RANBP17: variants seen among roughly 807,000 people sequenced by gnomAD.
RANBP17 encodes ran-binding protein 17.
RANBP17 carries 158 observed loss-of-function variants against 141.2 expected under a neutral mutation model. The observed-to-expected ratio is 1.12, with a 90% CI of 0.98 to 1.28. The LOEUF is 1.28. Among genes scored for constraint, RANBP17 ranks in the 50% most tolerant of loss-of-function variants. The pLI, the probability that RANBP17 is intolerant of heterozygous loss-of-function variation, is 0.00. For synonymous variants in RANBP17, 430 were observed against 450.0 expected (o/e 0.96, Z 0.56); for missense variants, 1,438 against 1,290.7 (o/e 1.11, Z -1.75).
At chr5:171,206,309 A>G (rs1393822372) in intron 20 of RANBP17, 1 of 158,938 alleles carries the variant, frequency 6.3e-6, no homozygotes, top group East Asian at 1.9e-4. Flanking sequence ...CTCATTTGAA[A>G]ACAGATACAA....
At chr5:171,258,118 TACACACACACACACAC>T (rs34304503) in intron 24 of RANBP17, among the ~76,000 whole-genome samples, 73 of 128,296 alleles carry the variant, frequency 5.7e-4, no homozygotes, top group East Asian at 2.9e-3. Flanking sequence ...AAAAAAAAAA[TACACACACACACACAC>T]ACACACACAC....
chr5:170,983,253 GTGTTT>G (rs1428307615), intron 14 of RANBP17: 29 of 282,024 alleles, frequency 1.0e-4, no homozygotes, highest in Admixed American at 2.6e-4. Context: ...AAGGTCATAG[GTGTTT>G]TGTTTTGTTA....
rs555094425 is a variant in RANBP17, at chr5:171,243,330, C to G, written c.2776+510C>G. Reference sequence around the variant, plus strand: ...CATTTAGCATAGTGACTTTGAGATTCATTCATGTTATTTTGAAAATCAATT... The same window carrying G: ...CATTTAGCATAGTGACTTTGAGATTGATTCATGTTATTTTGAAAATCAATT... On this transcript the variant is annotated intron_variant, in intron 24 of 27. Transcript: ENST00000523189. Among the ~76,000 whole-genome samples the G allele has an allele frequency of 2.0e-5, 3 of 152,250 alleles. No individual in the cohort carries two copies. The East Asian group carries it at 5.8e-4, about 29-fold the overall frequency.
At chr5:171,203,803 A>T (rs1762431773) in intron 19 of RANBP17, among the ~76,000 whole-genome samples, 1 of 152,206 alleles carries the variant, frequency 6.6e-6, no homozygotes, top group African/African-American at 2.4e-5. Context: ...TAAATGGTAG[A>T]TATCTCATGT....
intron 5 of RANBP17, among the ~76,000 whole-genome samples, chr5:170,898,179 A>G (rs2127396377): frequency 6.6e-6 from 1 of 152,300 alleles, no homozygotes; most frequent in African/African-American, 2.4e-5. Flanking sequence ...TAGGATAGTT[A>G]GCTCTTCTTG....
At chr5:170,982,303 C>T (rs971160520) in intron 14 of RANBP17, among the ~76,000 whole-genome samples, 2 of 152,140 alleles carry the variant, frequency 1.3e-5, no homozygotes, top group Non-Finnish European at 2.9e-5. Flanking sequence ...ATGAGAAGCC[C>T]TGTTGTGAAC....
Position 171,053,168 on chromosome 5 carries a change from T to G in RANBP17, c.1710+84791T>G, listed in dbSNP as rs554689029. ...TTCTTTAATTTCTTTCAACAATGCC[T>G]TAGAATTTTTTTTTTTTAATTAGGC... is the stretch of plus-strand genomic sequence containing the variant. On this transcript the variant is annotated intron_variant, in intron 14 of 27. Transcript: ENST00000523189. Among the ~76,000 whole-genome samples, 3 of 151,322 alleles carry G rather than the reference T, an allele frequency of 2.0e-5. No homozygotes were observed. The East Asian group carries it at 5.9e-4, about 30-fold the overall frequency.
chr5:171,245,693 G>A (rs1219368610), intron 24 of RANBP17, among the ~76,000 whole-genome samples: 1 of 152,002 alleles, frequency 6.6e-6, no homozygotes, highest in East Asian at 1.9e-4. Flanking sequence ...ATTTGAGATC[G>A]GATGGCAACT....
At chr5:170,946,053 A>T (rs763954176) in intron 12 of RANBP17, among the ~76,000 whole-genome samples, 1 of 152,164 alleles carries the variant, frequency 6.6e-6, no homozygotes, top group African/African-American at 2.4e-5. Flanking sequence ...AGGAAGTATA[A>T]TAGTTTGAGA....
At chr5:171,297,665 T>A (rs1252670166) in intron 27 of RANBP17, among the ~76,000 whole-genome samples, 1 of 149,660 alleles carries the variant, frequency 6.7e-6, no homozygotes, top group Non-Finnish European at 1.5e-5. Context: ...TGGAAATTAC[T>A]TCACCTAAGG....
chr5:170,919,117 A>G (rs1304006559), intron 10 of RANBP17, among the ~76,000 whole-genome samples: 1 of 151,988 alleles, frequency 6.6e-6, no homozygotes, highest in Non-Finnish European at 1.5e-5. Flanking sequence ...TTTACAGATT[A>G]TATTATAGAA....
chr5:170,888,793 T>C (rs1362648318), intron 3 of RANBP17, among the ~76,000 whole-genome samples: 1 of 152,130 alleles, frequency 6.6e-6, no homozygotes, highest in Non-Finnish European at 1.5e-5. Context: ...TGAGAAAGCT[T>C]CAAGTTTCTC....
At chr5:170,906,822 CT>C (rs980657032) in intron 5 of RANBP17, among the ~76,000 whole-genome samples, 2 of 151,850 alleles carry the variant, frequency 1.3e-5, no homozygotes, top group Non-Finnish European at 2.9e-5. Context: ...TCTTTGGGTT[CT>C]TTCTTACCTT....
intron 24 of RANBP17, among the ~76,000 whole-genome samples, chr5:171,265,044 A>G (rs1410146475): frequency 6.6e-6 from 1 of 152,244 alleles, no homozygotes; most frequent in African/African-American, 2.4e-5. Flanking sequence ...CTTTGACACC[A>G]GGATGAGGTT....
At position 170,909,716 on chromosome 5, in the gene RANBP17, A is replaced by G; in HGVS notation, c.545A>G (p.Asp182Gly). 6.3e-7 allele frequency: 1 copy of G among 1,598,544 alleles called. No individual in the cohort carries two copies. Among genetic ancestry groups the G allele is most frequent in the East Asian group, 2.2e-5 (1 of 44,520 alleles). The change falls in exon 6 of 28, where the codon GAT (aspartate) becomes GGT (glycine). Residue 182 changes from aspartate to glycine, a missense_variant. Transcript: ENST00000523189. ...KHRKIATSFR[D>G]TSLKDVLVLA... ...AGGAAAATAGCTACCTCATTTCGTGATACTTCTCTCAAAGACGTTTTAGTG... is the reference window on the plus strand; with the variant it reads ...AGGAAAATAGCTACCTCATTTCGTGGTACTTCTCTCAAAGACGTTTTAGTG...
chr5:171,259,537 A>G (rs904938408), intron 24 of RANBP17, among the ~76,000 whole-genome samples: 2 of 152,380 alleles, frequency 1.3e-5, no homozygotes, highest in East Asian at 3.9e-4. Flanking sequence ...CTGTTCAGCC[A>G]TAAAAAAAGA....
At chr5:171,286,684 T>C (rs1768191229) in intron 25 of RANBP17, among the ~76,000 whole-genome samples, 1 of 152,192 alleles carries the variant, frequency 6.6e-6, no homozygotes, top group Non-Finnish European at 1.5e-5. Flanking sequence ...ATAACTATTA[T>C]CTAATTTGAG....
At chr5:171,035,216 T>A (rs1781794664) in intron 14 of RANBP17, among the ~76,000 whole-genome samples, 1 of 152,054 alleles carries the variant, frequency 6.6e-6, no homozygotes, top group African/African-American at 2.4e-5. Context: ...GGTAAAAAAA[T>A]ATCCCAGGAA....
intron 25 of RANBP17, chr5:171,284,417 A>T (rs1768031938): frequency 6.6e-6 from 1 of 152,096 alleles, no homozygotes; most frequent in African/African-American, 2.4e-5. Flanking sequence ...CTTAGCCTCC[A>T]GGGGTCAAGC....
Sources: gnomAD v4.1 joint callset for allele counts (sites outside exome capture counted in the v4.1 genomes callset) on GRCh38, gnomAD v4.1.1 for gene constraint, MANE v1.5 for transcripts, NCBI Gene and HGNC (gene_info 2026-07-23, HGNC 2026-07-21) for gene names.